Variants in MAFF observed in about 807,000 individuals in gnomAD.
MAFF encodes MAF bZIP transcription factor F, also known as transcription factor MafF.
In MAFF, 4 loss-of-function variants were observed where a neutral mutation model predicts 2.7. That is an observed-to-expected ratio of 1.48 (90% CI 0.73 to 3.39). The LOEUF (loss-of-function observed/expected upper bound fraction) is 3.39. Ranked by LOEUF, MAFF falls within the 30% of genes most tolerant of loss-of-function variation. The pLI is 0.01. For synonymous variants in MAFF, 113 were observed against 119.4 expected, an observed-to-expected ratio of 0.95 and a Z score of 0.35; for missense variants, 190 against 246.6, an observed-to-expected ratio of 0.77 and a Z score of 1.54.
Position 38,214,999 on chromosome 22 carries a change from C to T in MAFF, c.*121C>T, listed in dbSNP as rs767920699. The T allele has an allele frequency of 4.6e-5, 35 of 758,486 alleles. No homozygotes were observed. In the South Asian group the frequency reaches 5.4e-4, roughly 12 times the overall value. 47.0% of individuals were successfully genotyped at this position (758,486 alleles called of 1,614,324 possible). The stretch of plus-strand genomic sequence containing the variant: ...TGCAGCACTGGCCCCTTGGTGCACA[C>T]ACATTCCCTTCGTGGGCCCTGTCTT... On this transcript the variant is annotated 3_prime_UTR_variant, in exon 3 of 3. Coordinates refer to ENST00000338483, the MANE Select transcript of MAFF (RefSeq NM_012323.4). The surrounding 1 kb of genome is among the most constrained non-coding windows in gnomAD (Gnocchi z 6.3).
At chr22:38,209,096 C>CA (rs1740295334) in intron 1 of MAFF, among the ~76,000 whole-genome samples, 1 of 151,390 alleles carries the variant, frequency 6.6e-6, no homozygotes. Context: ...GATGGAGTAT[C>CA]ACTCTGTCGC....
chr22:38,208,945 AG>A (rs924308897), intron 1 of MAFF, among the ~76,000 whole-genome samples: 3 of 146,670 alleles, frequency 2.0e-5, no homozygotes, highest in African/African-American at 7.5e-5. Context: ...TGGAGGTGGC[AG>A]TGGTGGGAAA....
At chr22:38,213,955 C>G in intron 2 of MAFF, 66 bp downstream of exon 2, 1 of 1,536,404 alleles carries the variant, frequency 6.5e-7, no homozygotes, top group Non-Finnish European at 9.0e-7. Flanking sequence ...GCCTCCTCAT[C>G]CCAACTTCCC....
rs1194137663 is a variant in MAFF, at chr22:38,214,020, C to G, written c.36+131C>G. ...AGCAGGCACCAGGCCTTCATGATGC[C>G]AAAGGGAAGGGCCACAGCCATGGGC... is the stretch of plus-strand genomic sequence containing the variant. On this transcript the variant is annotated intron_variant, in intron 2 of 2. Coordinates refer to ENST00000338483, the MANE Select transcript of MAFF (RefSeq NM_012323.4). This position sits in a 1 kb window ranked among gnomAD's most constrained non-coding sequence, Gnocchi z 6.3. The G allele has an allele frequency of 5.3e-6, 5 of 945,232 alleles. No homozygotes were observed. The East Asian group carries it at 9.7e-5, about 18-fold the overall frequency. 58.6% of individuals were successfully genotyped at this position (945,232 alleles called of 1,614,324 possible).
intron 1 of MAFF, among the ~76,000 whole-genome samples, chr22:38,207,899 T>C (rs754900165): frequency 1.4e-4 from 21 of 152,166 alleles, no homozygotes; most frequent in Non-Finnish European, 2.6e-4. Flanking sequence ...TACCTCAGGG[T>C]TGGGCGAACC....
intron 1 of MAFF, among the ~76,000 whole-genome samples, chr22:38,211,234 T>C (rs1415637016): frequency 1.9e-5 from 1 of 52,492 alleles, no homozygotes; most frequent in Non-Finnish European, 6.8e-5. Flanking sequence ...CACTTTCTTT[T>C]TTTTTTTTTT....
At chr22:38,212,799 T>C (rs2091110980) in intron 1 of MAFF, among the ~76,000 whole-genome samples, 1 of 152,106 alleles carries the variant, frequency 6.6e-6, no homozygotes, top group Non-Finnish European at 1.5e-5. Context: ...TGGATGGGCT[T>C]TGTGTAAAGG....
chr22:38,214,983 G>A lies in MAFF; in HGVS notation c.*105G>A. 1 of 856,560 alleles carries A rather than the reference G, an allele frequency of 1.2e-6. No homozygotes were observed. The highest frequency in any genetic ancestry group is 1.9e-6 in the Non-Finnish European group (1 of 535,312). 53.1% of individuals were successfully genotyped at this position (856,560 alleles called of 1,614,324 possible). A position where few individuals can be genotyped will look rare whatever the true frequency, so the allele number is the denominator to read the frequency against. On this transcript the variant is annotated 3_prime_UTR_variant, in exon 3 of 3. Coordinates refer to ENST00000338483, the MANE Select transcript of MAFF (RefSeq NM_012323.4). This position sits in a 1 kb window ranked among gnomAD's most constrained non-coding sequence, Gnocchi z 6.3. ...CCAGGTCCCATTTCTCTGCAGCACT[G>A]GCCCCTTGGTGCACACACATTCCCT...
At chr22:38,211,152 C>T (rs757979623) in intron 1 of MAFF, among the ~76,000 whole-genome samples, 7 of 151,422 alleles carry the variant, frequency 4.6e-5, no homozygotes, top group South Asian at 2.1e-4. Context: ...TGAGGAAGGG[C>T]GGGTGTGGCT....
At chr22:38,206,114 G>A (rs1215145467) in intron 1 of MAFF, among the ~76,000 whole-genome samples, 15 of 152,190 alleles carry the variant, frequency 9.9e-5, no homozygotes, top group Non-Finnish European at 2.2e-4. Context: ...TATTATCAAG[G>A]ATAGGGAATG....
chr22:38,209,389 C>T (rs1439549212), intron 1 of MAFF, among the ~76,000 whole-genome samples: 1 of 152,116 alleles, frequency 6.6e-6, no homozygotes, highest in Admixed American at 6.5e-5. Context: ...TTTAATCTGG[C>T]TGGTGGCATG....
chr22:38,213,176 C>CAAAAAAAAAAAAAA (rs57782814), intron 1 of MAFF, among the ~76,000 whole-genome samples: 11 of 114,062 alleles, frequency 9.6e-5, no homozygotes, highest in African/African-American at 1.3e-4. Flanking sequence ...GACTCTGTCT[C>CAAAAAAAAAAAAAA]AAAAAAAAAA....
intron 1 of MAFF, among the ~76,000 whole-genome samples, chr22:38,210,792 G>A (rs978891936): frequency 2.0e-5 from 3 of 152,018 alleles, no homozygotes; most frequent in African/African-American, 7.3e-5. Context: ...ATGCGTCGTG[G>A]CTCATGCCTA....
chr22:38,215,771 T>G lies in MAFF; in HGVS notation c.*893T>G, dbSNP rs1368818975. Reference sequence around the variant, plus strand: ...CAGACCCTGCAGTCCTACTACAGTCTGGAGTGGGGTCCTAAGAAGAAGGGT... The same window carrying G: ...CAGACCCTGCAGTCCTACTACAGTCGGGAGTGGGGTCCTAAGAAGAAGGGT... On this transcript the variant is annotated 3_prime_UTR_variant, in exon 3 of 3. Coordinates refer to ENST00000338483, the MANE Select transcript of MAFF (RefSeq NM_012323.4). 1 of 167,086 alleles carries G rather than the reference T, an allele frequency of 6.0e-6. No homozygotes were observed. The highest frequency in any genetic ancestry group is 1.9e-4 in the East Asian group (1 of 5,202). 10.4% of individuals were successfully genotyped at this position (167,086 alleles called of 1,614,324 possible). A position where few individuals can be genotyped will look rare whatever the true frequency, so the allele number is the denominator to read the frequency against.
chr22:38,204,589 C>G lies in MAFF; in HGVS notation c.-32+2377C>G, dbSNP rs1289854882. Among the ~76,000 whole-genome samples the G allele has an allele frequency of 4.6e-5, 7 of 152,296 alleles. No individual in the cohort carries two copies. In the South Asian group the frequency reaches 1.4e-3, roughly 32 times the overall value. Reference sequence around the variant, plus strand: ...AAAAGGCCTGGGAACCCCAGAGAAACAGGAAGCCAGGGCAGGGGCTGGGGG... The same window carrying G: ...AAAAGGCCTGGGAACCCCAGAGAAAGAGGAAGCCAGGGCAGGGGCTGGGGG... On this transcript the variant is annotated intron_variant, in intron 1 of 2. Transcript: ENST00000338483.
In MAFF at chr22:38,208,889, C is replaced by T. The variant is rs183764834; in HGVS notation, c.-31-4934C>T. On this transcript the variant is annotated intron_variant, in intron 1 of 2. Coordinates refer to ENST00000338483, the MANE Select transcript of MAFF (RefSeq NM_012323.4). ...GAGGTGGCTCAGAGGCAAGAAAGCG[C>T]GGGTGGGAGGAAGTGAAAGAAATTC... is the stretch of plus-strand genomic sequence containing the variant. Among the ~76,000 whole-genome samples, 114 of 150,572 alleles carry T rather than the reference C, an allele frequency of 7.6e-4. No homozygotes were observed. The East Asian group carries it at 0.021, about 27-fold the overall frequency.
Position 38,214,824 on chromosome 22 carries a change from G to A in MAFF, c.441G>A (p.Gly147=), listed in dbSNP as rs893886901. 2 of 1,495,758 alleles carry A rather than the reference G, an allele frequency of 1.3e-6. No individual in the cohort carries two copies. Among genetic ancestry groups the A allele is most frequent in the African/African-American group, 1.5e-5 (1 of 68,660 alleles). 92.7% of individuals were successfully genotyped at this position (1,495,758 alleles called of 1,614,324 possible). A position where few individuals can be genotyped will look rare whatever the true frequency, so the allele number is the denominator to read the frequency against. ...TCGTCAAGTCCACCCCGGGCTCGGG[G>A]TCTGGCCCCGCCCACGGCCCGGACC... is the stretch of plus-strand genomic sequence containing the variant. ...ITIVKSTPGS[G]SGPAHGPDPA... is the part of the protein sequence containing the mutation. Residue 147 remains glycine (G), a synonymous_variant, in exon 3 of 3, where the codon GGG becomes GGA. Coordinates refer to ENST00000338483, the MANE Select transcript of MAFF (RefSeq NM_012323.4). The surrounding 1 kb of genome is among the most constrained non-coding windows in gnomAD (Gnocchi z 6.3).
chr22:38,214,405 T>G lies in MAFF; in HGVS notation c.37-15T>G, dbSNP rs1347073256. On this transcript the variant is annotated splice_polypyrimidine_tract_variant and intron_variant, in intron 2 of 2. Coordinates refer to ENST00000338483, the MANE Select transcript of MAFF (RefSeq NM_012323.4). The surrounding 1 kb of genome is among the most constrained non-coding windows in gnomAD (Gnocchi z 6.3). ...GTCCCCAGTCCCCTGGACCTCAGTT[T>G]CCTCATGCCCGCAGATCAAGCGAGA... 4 of 1,569,880 alleles carry G rather than the reference T, an allele frequency of 2.5e-6. No homozygotes were observed. The South Asian group carries it at 4.6e-5, about 18-fold the overall frequency.
rs57782814 is a variant in MAFF at position 38,213,176 on chromosome 22, CAAAAAAAAA to C, written c.-31-630_-31-622del. Among the ~76,000 whole-genome samples, 5 of 114,116 alleles carry C rather than the reference CAAAAAAAAA, an allele frequency of 4.4e-5. No individual in the cohort carries two copies. The South Asian group carries it at 1.7e-3, about 40-fold the overall frequency. 74.9% of individuals were successfully genotyped at this position (114,116 alleles called of 152,430 possible). A position where few individuals can be genotyped will look rare whatever the true frequency, so the allele number is the denominator to read the frequency against. On this transcript the variant is annotated intron_variant, in intron 1 of 2. Coordinates refer to ENST00000338483, the MANE Select transcript of MAFF (RefSeq NM_012323.4). ...TGGGTGACAGAGTGAGACTCTGTCTCAAAAAAAAAAAAAAAAAAAAAAAAAGAAAGAAAG... is the reference window on the plus strand; with the variant it reads ...TGGGTGACAGAGTGAGACTCTGTCTCAAAAAAAAAAAAAAAAGAAAGAAAG...
Sources: gnomAD v4.1 joint callset for allele counts (sites outside exome capture counted in the v4.1 genomes callset) on GRCh38, gnomAD v4.1.1 for gene constraint, Gnocchi (gnomAD v3.1) non-coding constraint, MANE v1.5 for transcripts, NCBI Gene and HGNC (gene_info 2026-07-23, HGNC 2026-07-21) for gene names.